The following GRIN2A variants were observed in gnomAD, a reference collection of about 807,000 sequenced individuals.
GRIN2A encodes the protein glutamate receptor ionotropic, NMDA 2A.
Under a neutral mutation model 113.4 loss-of-function variants are expected in GRIN2A, and 22 were observed. The ratio of observed to expected loss-of-function variants is 0.19; its 90% CI spans 0.14 to 0.28. The LOEUF is 0.28. GRIN2A is among the 10% of genes least tolerant of loss of function. GRIN2A has a pLI of 1.00. For missense variants in GRIN2A, 1,502 were observed against 1,887.0 expected, an observed-to-expected ratio of 0.80 and a Z score of 3.78; for synonymous variants, 827 against 738.4, an observed-to-expected ratio of 1.12 and a Z score of -1.94.
chr16:10,032,525 C>T (rs2352752), intron 2 of GRIN2A, among the ~76,000 whole-genome samples: 5 of 152,174 alleles, frequency 3.3e-5, no homozygotes, highest in Non-Finnish European at 1.5e-5. Context: ...CAGACATTTA[C>T]CATGTGTTCC....
In GRIN2A at chr16:9,758,230, G is replaced by A. The variant is rs79849427; in HGVS notation, c.*4919C>T. 2,264 of 222,252 alleles carry A rather than the reference G, an allele frequency of 0.01. 25 individuals carry two copies. The highest frequency in any genetic ancestry group is 0.023 in the Middle Eastern group (16 of 706). 13.8% of individuals were successfully genotyped at this position (222,252 alleles called of 1,614,324 possible). A position where few individuals can be genotyped will look rare whatever the true frequency, so the allele number is the denominator to read the frequency against. On this transcript the variant is annotated 3_prime_UTR_variant, in exon 13 of 13. Coordinates refer to ENST00000330684, the MANE Select transcript of GRIN2A (RefSeq NM_001134407.3). ...ACTGCTGGGCACAGAAAGAGTGCAG[G>A]TGAGGAAAGAGGATAAGGAATTTAA... is the stretch of plus-strand genomic sequence containing the variant.
At chr16:10,112,643 G>C (rs1224655138) in intron 2 of GRIN2A, 9 of 766,070 alleles carry the variant, frequency 1.2e-5, no homozygotes, top group Non-Finnish European at 1.9e-5. Flanking sequence ...CCATGGAGAA[G>C]AGCAGCAGCA....
intron 4 of GRIN2A, among the ~76,000 whole-genome samples, chr16:9,852,749 A>G (rs2141376116): frequency 6.6e-6 from 1 of 152,314 alleles, no homozygotes; most frequent in Non-Finnish European, 1.5e-5. Context: ...TATATACCAG[A>G]TAAAGGAGAA....
At chr16:9,981,489 G>A (rs1003502135) in intron 2 of GRIN2A, among the ~76,000 whole-genome samples, 14 of 152,302 alleles carry the variant, frequency 9.2e-5, no homozygotes, top group Non-Finnish European at 1.8e-4. Flanking sequence ...ATTCGTGACT[G>A]ATCTTGTTTT....
intron 2 of GRIN2A, among the ~76,000 whole-genome samples, chr16:10,059,032 T>C (rs577211375): frequency 5.0e-4 from 76 of 152,282 alleles, no homozygotes; most frequent in African/African-American, 1.6e-3. Flanking sequence ...GGAATCATAA[T>C]ACATGGAAGA....
At chr16:9,840,474 G>T (rs1182691572) in intron 7 of GRIN2A, among the ~76,000 whole-genome samples, 173 bp downstream of exon 7, 2 of 152,032 alleles carry the variant, frequency 1.3e-5, no homozygotes, top group Admixed American at 6.6e-5. Context: ...AAATTTGGGT[G>T]GGGACCCAAA....
At chr16:10,089,082 G>A (rs958668267) in intron 2 of GRIN2A, among the ~76,000 whole-genome samples, 6 of 152,144 alleles carry the variant, frequency 3.9e-5, no homozygotes, top group African/African-American at 1.4e-4. Flanking sequence ...TAGTTATTAA[G>A]TATATTAATA....
chr16:10,134,137 A>T (rs555210776), intron 2 of GRIN2A, among the ~76,000 whole-genome samples: 1 of 146,580 alleles, frequency 6.8e-6, no homozygotes, highest in Non-Finnish European at 1.5e-5. Flanking sequence ...TCGAAGGTGC[A>T]GTGAGTGATC....
intron 2 of GRIN2A, among the ~76,000 whole-genome samples, chr16:10,096,163 T>C (rs1156605192): frequency 6.6e-6 from 1 of 152,204 alleles, no homozygotes; most frequent in Non-Finnish European, 1.5e-5. Flanking sequence ...CAGGCATCCA[T>C]GTTTTTGTTT....
At chr16:9,779,534 CA>C (rs964371497) in intron 11 of GRIN2A, among the ~76,000 whole-genome samples, 14 of 151,682 alleles carry the variant, frequency 9.2e-5, no homozygotes, top group African/African-American at 3.1e-4. Flanking sequence ...GAAAAGAGGA[CA>C]GGGAAGAGAA....
intron 2 of GRIN2A, among the ~76,000 whole-genome samples, chr16:10,102,654 C>T (rs1251589344): frequency 6.6e-6 from 1 of 152,080 alleles, no homozygotes; most frequent in East Asian, 1.9e-4. Context: ...TCAAGCAATT[C>T]TTGTGCCTCA....
intron 8 of GRIN2A, 109 bp downstream of exon 8, chr16:9,833,996 C>A (rs533482932): frequency 9.1e-7 from 1 of 1,094,092 alleles, no homozygotes; most frequent in East Asian, 2.4e-5. Flanking sequence ...GGATTACAGG[C>A]GTGAGCCACC....
rs9932916 is a variant in GRIN2A, at chr16:9,891,116, G to C, written c.1008-16C>G. The C allele has an allele frequency of 6.2e-3, 9,214 of 1,480,722 alleles. 470 individuals are homozygous for C. In the African/African-American group the frequency reaches 0.11, roughly 18 times the overall value. 91.7% of individuals were successfully genotyped at this position (1,480,722 alleles called of 1,614,324 possible). On this transcript the variant is annotated splice_polypyrimidine_tract_variant and intron_variant, in intron 3 of 12. Transcript: ENST00000330684. ...GACCATAAATCTAGAAAGGGGAAGAGAGAAAGACAAATTTTTAGGAAAGAA... is the reference window on the plus strand; with the variant it reads ...GACCATAAATCTAGAAAGGGGAAGACAGAAAGACAAATTTTTAGGAAAGAA...
In GRIN2A at chr16:10,179,990, G is replaced by A. The variant is rs372681259; in HGVS notation, c.414+8C>T. 5.6e-6 allele frequency: 9 copies of A among 1,611,870 alleles called. No homozygotes were observed. Among genetic ancestry groups the A allele is most frequent in the African/African-American group, 5.4e-5 (4 of 74,746 alleles). On this transcript the variant is annotated splice_region_variant and intron_variant, in intron 2 of 12. Coordinates refer to ENST00000330684, the MANE Select transcript of GRIN2A (RefSeq NM_001134407.3). Reference sequence around the variant, plus strand: ...AGGTCCTGGCAGGGCATCAGTTTCCGGCCTTACCTTGTCAGCCATGATCAT... The same window carrying A: ...AGGTCCTGGCAGGGCATCAGTTTCCAGCCTTACCTTGTCAGCCATGATCAT...
chr16:10,098,838 T>A (rs954714794), intron 2 of GRIN2A, among the ~76,000 whole-genome samples: 1 of 151,986 alleles, frequency 6.6e-6, no homozygotes, highest in Non-Finnish European at 1.5e-5. Context: ...AGACTACAAA[T>A]TGGATTAAAT....
At position 9,757,269 on chromosome 16, in the gene GRIN2A, G is replaced by A. The variant is rs921970961; in HGVS notation, c.*5880C>T. On this transcript the variant is annotated 3_prime_UTR_variant, in exon 13 of 13. Coordinates refer to ENST00000330684, the MANE Select transcript of GRIN2A (RefSeq NM_001134407.3). ...GGTTAGCAGCTCCTGGGTCTCCTAA[G>A]TCCATTATTTGAAGATTAAAATAAA... The A allele has an allele frequency of 9.2e-6, 2 of 216,900 alleles. No homozygotes were observed. The highest frequency in any genetic ancestry group is 5.8e-5 in the Admixed American group (1 of 17,176). 13.4% of individuals were successfully genotyped at this position (216,900 alleles called of 1,614,324 possible).
At chr16:9,917,991 G>A (rs189732469) in intron 3 of GRIN2A, among the ~76,000 whole-genome samples, 5 of 152,056 alleles carry the variant, frequency 3.3e-5, no homozygotes, top group African/African-American at 7.2e-5. Context: ...ATTTTCCTTG[G>A]TTATTCCGAG....
At chr16:10,181,215 A>C (rs531326746) in intron 1 of GRIN2A, among the ~76,000 whole-genome samples, 71 of 85,104 alleles carry the variant, frequency 8.3e-4, no homozygotes, top group Non-Finnish European at 1.7e-3. Flanking sequence ...ACACACGCAC[A>C]CACACATGTT....
intron 2 of GRIN2A, among the ~76,000 whole-genome samples, chr16:10,079,519 G>T (rs2047939595): frequency 6.6e-6 from 1 of 152,306 alleles, no homozygotes; most frequent in African/African-American, 2.4e-5. Flanking sequence ...GCCCTTGGGA[G>T]GTGATTAGGT....
Sources: gnomAD v4.1 joint callset for allele counts (sites outside exome capture counted in the v4.1 genomes callset) on GRCh38, gnomAD v4.1.1 for gene constraint, MANE v1.5 for transcripts, NCBI Gene and HGNC (gene_info 2026-07-23, HGNC 2026-07-21) for gene names.